RALYL: variants seen among roughly 807,000 people sequenced by gnomAD.
RALYL encodes RNA-binding Raly-like protein.
RALYL carries 29 observed loss-of-function variants against 35.1 expected under a neutral mutation model. That is an observed-to-expected ratio of 0.83 (90% CI 0.61 to 1.13). The LOEUF (loss-of-function observed/expected upper bound fraction) is 1.13. Ranked by LOEUF, RALYL falls within the 50% of genes most tolerant of loss-of-function variation. The pLI is 0.00. For synonymous variants in RALYL, 120 were observed against 127.6 expected, an observed-to-expected ratio of 0.94 and a Z score of 0.40; for missense variants, 359 against 360.4, an observed-to-expected ratio of 1.00 and a Z score of 0.03.
At chr8:84,549,910 T>C (rs981173894) in intron 2 of RALYL, among the ~76,000 whole-genome samples, 1 of 152,216 alleles carries the variant, frequency 6.6e-6, no homozygotes, top group African/African-American at 2.4e-5. Flanking sequence ...ATTTGGATTT[T>C]TTTTATTTCA....
chr8:84,483,070 G>C (rs888202647), intron 1 of RALYL, among the ~76,000 whole-genome samples: 1 of 152,104 alleles, frequency 6.6e-6, no homozygotes, highest in Middle Eastern at 3.4e-3. Context: ...AAAAGATTTT[G>C]AAGATATATA....
intron 3 of RALYL, among the ~76,000 whole-genome samples, chr8:84,788,200 G>A: frequency 6.6e-6 from 1 of 152,032 alleles, no homozygotes; most frequent in East Asian, 1.9e-4. Context: ...TTTGTATAAG[G>A]TGTAAGGAAG....
At chr8:84,732,401 T>C (rs948190588) in intron 2 of RALYL, among the ~76,000 whole-genome samples, 6 of 152,020 alleles carry the variant, frequency 3.9e-5, no homozygotes, top group African/African-American at 1.4e-4. Context: ...TTCCATTGGA[T>C]GAAGAAGGAT....
intron 2 of RALYL, among the ~76,000 whole-genome samples, chr8:84,616,520 A>C (rs1345355428): frequency 1.3e-4 from 19 of 148,032 alleles, no homozygotes; most frequent in East Asian, 1.0e-3. Flanking sequence ...AGGTTGCAAA[A>C]ATTTTCTCCC....
At chr8:84,729,125 T>C (rs997796953) in intron 2 of RALYL, among the ~76,000 whole-genome samples, 1 of 152,152 alleles carries the variant, frequency 6.6e-6, no homozygotes. Flanking sequence ...TGTTCTTCCA[T>C]TTGTTTGTAT....
chr8:84,735,001 ATGTT>A (rs1846963511), intron 2 of RALYL, among the ~76,000 whole-genome samples: 1 of 111,696 alleles, frequency 9.0e-6, no homozygotes, highest in Admixed American at 9.4e-5. Flanking sequence ...ATATATAGAT[ATGTT>A]TGTGTGTGTG....
intron 1 of RALYL, among the ~76,000 whole-genome samples, chr8:84,380,057 TTGTGTGTG>T (rs60900204): frequency 1.8e-4 from 27 of 147,012 alleles, no homozygotes; most frequent in African/African-American, 2.7e-4. Flanking sequence ...CTTCTCAAAA[TTGTGTGTG>T]TGTGTGTGTG....
intron 2 of RALYL, among the ~76,000 whole-genome samples, chr8:84,620,423 G>A (rs890941392): frequency 3.3e-5 from 5 of 151,912 alleles, no homozygotes; most frequent in African/African-American, 9.7e-5. Context: ...CGTAGTTCTC[G>A]AGCCTTGGTT....
At chr8:84,291,784 T>C (rs117805131) in intron 1 of RALYL, among the ~76,000 whole-genome samples, 3,730 of 151,928 alleles carry the variant, frequency 0.025, 94 homozygotes, top group Non-Finnish European at 0.031. Flanking sequence ...ATTACGTTCA[T>C]GCAGAGCCTC....
At chr8:84,913,040 G>GTAGGTAGGTAGATAGATAGATAGATAGA (rs372305617) in intron 8 of RALYL, among the ~76,000 whole-genome samples, 123 of 130,122 alleles carry the variant, frequency 9.5e-4, no homozygotes, top group East Asian at 1.6e-3. Context: ...GGATAGGTAG[G>GTAGGTAGGTAGATAGATAGATAGATAGA]TAGATAGATA....
chr8:84,288,761 C>T (rs13266883), intron 1 of RALYL, among the ~76,000 whole-genome samples: 1 of 152,012 alleles, frequency 6.6e-6, no homozygotes, highest in Non-Finnish European at 1.5e-5. Flanking sequence ...TTTCTCTGTA[C>T]ATTTTATTTG....
At chr8:84,658,295 A>C (rs1479005193) in intron 2 of RALYL, among the ~76,000 whole-genome samples, 1 of 152,172 alleles carries the variant, frequency 6.6e-6, no homozygotes, top group Non-Finnish European at 1.5e-5. Flanking sequence ...ACCCTCAAAA[A>C]GTGTGTTTCT....
intron 1 of RALYL, among the ~76,000 whole-genome samples, chr8:84,423,839 G>C (rs1367978965): frequency 1.3e-5 from 2 of 151,378 alleles, no homozygotes; most frequent in African/African-American, 4.9e-5. Context: ...GAAATTCTGG[G>C]TTGAAAATTC....
chr8:84,634,228 T>G (rs1372678104), intron 2 of RALYL, among the ~76,000 whole-genome samples: 2 of 151,772 alleles, frequency 1.3e-5, no homozygotes, highest in Non-Finnish European at 2.9e-5. Flanking sequence ...CCTAAACATA[T>G]CTCTTCACTT....
At chr8:84,485,768 T>C (rs1388341306) in intron 1 of RALYL, among the ~76,000 whole-genome samples, 1 of 152,148 alleles carries the variant, frequency 6.6e-6, no homozygotes, top group African/African-American at 2.4e-5. Context: ...ATATTCAAAA[T>C]ATATCCAGAA....
intron 1 of RALYL, among the ~76,000 whole-genome samples, chr8:84,412,466 A>G (rs1017399319): frequency 3.3e-5 from 5 of 151,944 alleles, no homozygotes; most frequent in African/African-American, 4.8e-5. Flanking sequence ...TCAGGAAAGC[A>G]GGACATTTTT....
chr8:84,459,456 A>T (rs550613905), intron 1 of RALYL, among the ~76,000 whole-genome samples: 1 of 151,816 alleles, frequency 6.6e-6, no homozygotes, highest in Admixed American at 6.6e-5. Flanking sequence ...TAAAATGGGG[A>T]GGCAACTGGG....
In RALYL at chr8:84,401,313, G is replaced by A. The variant is rs1470543732; in HGVS notation, c.-23-127986G>A. ...TCTTAACTCAATGTTTCAGTGTGGG[G>A]AAGGTTTACTCACCATTATGGAACA... On this transcript the variant is annotated intron_variant, in intron 1 of 8. Transcript: ENST00000521268. Among the ~76,000 whole-genome samples the A allele has an allele frequency of 2.0e-5, 3 of 151,802 alleles. No homozygotes were observed. The East Asian group carries it at 5.8e-4, about 29-fold the overall frequency.
chr8:84,811,035 A>T (rs537203331), intron 4 of RALYL, among the ~76,000 whole-genome samples: 1 of 151,822 alleles, frequency 6.6e-6, no homozygotes, highest in Admixed American at 6.5e-5. Flanking sequence ...TCATCATGCT[A>T]TTTGTTGCCT....
Sources: allele counts gnomAD v4.1 joint callset (sites outside exome capture counted in the v4.1 genomes callset), GRCh38; gene constraint gnomAD v4.1.1; transcripts MANE v1.5; gene names NCBI Gene and HGNC (gene_info 2026-07-23, HGNC 2026-07-21).